SATB2: variants seen among roughly 807,000 people sequenced by gnomAD.
SATB2 encodes DNA-binding protein SATB2.
SATB2 carries 1 observed loss-of-function variant against 73.4 expected under a neutral mutation model. The ratio of observed to expected loss-of-function variants is 0.01; its 90% confidence interval spans 0.00 to 0.06. The LOEUF (loss-of-function observed/expected upper bound fraction) is 0.06. Among genes scored for constraint, SATB2 ranks in the 10% least tolerant of loss-of-function variants. The pLI is 1.00. For synonymous variants in SATB2, 397 were observed against 367.0 expected (o/e 1.08, Z -0.93); for missense variants, 459 against 945.8 (o/e 0.49, Z 6.75).
intron 2 of SATB2, among the ~76,000 whole-genome samples, chr2:199,434,517 T>C (rs1691597938): frequency 6.6e-6 from 1 of 152,160 alleles, no homozygotes; most frequent in Non-Finnish European, 1.5e-5. Context: ...GATCAAAGTT[T>C]TACCAACATA....
At chr2:199,418,267 GGCAGTCAGAGTCCACAA>G (rs1240324044) in intron 3 of SATB2, among the ~76,000 whole-genome samples, 1 of 152,086 alleles carries the variant, frequency 6.6e-6, no homozygotes, top group East Asian at 1.9e-4. Context: ...TGAAAGGCCC[GGCAGTCAGAGTCCACAA>G]CGCCTAACCA....
intron 6 of SATB2, among the ~76,000 whole-genome samples, chr2:199,352,522 T>C (rs1287158295): frequency 6.6e-6 from 1 of 152,314 alleles, no homozygotes. Flanking sequence ...TTATAAATTC[T>C]TGTAGTTAAG....
At chr2:199,414,044 G>T (rs1434760574) in intron 3 of SATB2, among the ~76,000 whole-genome samples, 1 of 152,170 alleles carries the variant, frequency 6.6e-6, no homozygotes, top group Non-Finnish European at 1.5e-5. Flanking sequence ...TTCAGTGGTG[G>T]TCTCAAGCAG....
chr2:199,370,946 CAAAAAAAAAA>C (rs67348909), intron 5 of SATB2, among the ~76,000 whole-genome samples: 1 of 69,566 alleles, frequency 1.4e-5, no homozygotes, highest in Non-Finnish European at 3.1e-5. Context: ...ATGAACTGAG[CAAAAAAAAAA>C]AAAAAAAAAA....
At chr2:199,305,175 C>T (rs1228830291) in intron 10 of SATB2, among the ~76,000 whole-genome samples, 1 of 152,122 alleles carries the variant, frequency 6.6e-6, no homozygotes, top group Non-Finnish European at 1.5e-5. Flanking sequence ...TATGCATGTA[C>T]ACTCAGAGGA....
chr2:199,357,359 C>T (rs988262412), intron 6 of SATB2, among the ~76,000 whole-genome samples: 2 of 152,126 alleles, frequency 1.3e-5, no homozygotes, highest in African/African-American at 4.8e-5. Context: ...ATCATTGATT[C>T]CTCAACAGTT....
At chr2:199,335,679 G>A (rs531365751) in intron 7 of SATB2, among the ~76,000 whole-genome samples, 1 of 152,280 alleles carries the variant, frequency 6.6e-6, no homozygotes, top group African/African-American at 2.4e-5. Flanking sequence ...ACAGCGAACA[G>A]CAGGCTCTGG....
At chr2:199,358,024 C>G (rs986195836) in intron 6 of SATB2, among the ~76,000 whole-genome samples, 3 of 152,100 alleles carry the variant, frequency 2.0e-5, no homozygotes, top group Admixed American at 2.0e-4. Context: ...TTTTGACCTA[C>G]AAAAATGGCA....
At chr2:199,346,156 C>CTT (rs1050884316) in intron 7 of SATB2, among the ~76,000 whole-genome samples, 1 of 144,958 alleles carries the variant, frequency 6.9e-6, no homozygotes, top group African/African-American at 2.5e-5. Flanking sequence ...TTTTCTTTTT[C>CTT]TTTTTTTTTT....
chr2:199,317,609 T>C (rs113453469), intron 9 of SATB2, among the ~76,000 whole-genome samples: 60 of 152,212 alleles, frequency 3.9e-4, no homozygotes, highest in African/African-American at 1.4e-3. Flanking sequence ...ATCATTATTA[T>C]TGATTGTCTA....
chr2:199,409,257 C>T (rs1690736430), intron 3 of SATB2, among the ~76,000 whole-genome samples: 1 of 142,540 alleles, frequency 7.0e-6, no homozygotes, highest in Admixed American at 7.6e-5. Context: ...ACAACCTCCG[C>T]CTCCCGGGTT....
At chr2:199,273,582 G>GAAAATATTCA (rs1004812532) in intron 10 of SATB2, among the ~76,000 whole-genome samples, 4 of 151,984 alleles carry the variant, frequency 2.6e-5, no homozygotes, top group Non-Finnish European at 5.9e-5. Context: ...TTTAGAATGA[G>GAAAATATTCA]AAAATATTCA....
chr2:199,339,850 A>C (rs1218957212), intron 7 of SATB2, among the ~76,000 whole-genome samples: 1 of 152,204 alleles, frequency 6.6e-6, no homozygotes, highest in Non-Finnish European at 1.5e-5. Flanking sequence ...ACTCCAAAAA[A>C]CTGACTGGTA....
chr2:199,386,366 C>T (rs13397495), intron 3 of SATB2, among the ~76,000 whole-genome samples: 19,015 of 152,080 alleles, frequency 0.13, 1,378 homozygotes, highest in South Asian at 0.3. Context: ...TTAAAAACAG[C>T]GCTCATTCCA....
chr2:199,359,792 T>C (rs1216118667), intron 6 of SATB2, among the ~76,000 whole-genome samples: 11 of 152,112 alleles, frequency 7.2e-5, no homozygotes, highest in Non-Finnish European at 1.5e-5. Flanking sequence ...ATTTCTATGG[T>C]ACATAAAACT....
intron 8 of SATB2, chr2:199,326,031 C>A (rs868851407): frequency 2.0e-5 from 3 of 152,082 alleles, no homozygotes; most frequent in African/African-American, 7.2e-5. Flanking sequence ...GGAAAATAAT[C>A]TCCCTGCATC....
At chr2:199,324,037 T>G in intron 8 of SATB2, 79 bp from the exon 9 acceptor site, 2 of 1,515,964 alleles carry the variant, frequency 1.3e-6, no homozygotes, top group Non-Finnish European at 1.8e-6. Context: ...TATCAAAGGA[T>G]TTCAGTCAGC....
At chr2:199,297,121 G>A (rs180826403) in intron 10 of SATB2, among the ~76,000 whole-genome samples, 233 of 152,270 alleles carry the variant, frequency 1.5e-3, no homozygotes, top group African/African-American at 5.3e-3. Context: ...AGAAAGATAC[G>A]ATTTTTTAAA....
At position 199,348,790 on chromosome 2, in the gene SATB2, G is replaced by C. The variant is rs369487539; in HGVS notation, c.1084C>G (p.Pro362Ala). The change falls in exon 7 of 11, where the codon CCA becomes GCA. Residue 362 changes from proline (P) to alanine (A), a missense_variant. Transcript: ENST00000417098. ...EPTNSSVEVSPDIYQQVRDEL... is the reference protein window; with the variant it reads ...EPTNSSVEVSADIYQQVRDEL... ...TCTCTGACTTGCTGGTAGATATCTG[G>C]AGAGACTTCCACGGAAGAGTTGGTT... 3 of 1,610,892 alleles carry C rather than the reference G, an allele frequency of 1.9e-6. No homozygotes were observed. The highest frequency in any genetic ancestry group is 2.7e-5 in the African/African-American group (2 of 74,852).
Sources: allele counts gnomAD v4.1 joint callset (sites outside exome capture counted in the v4.1 genomes callset), GRCh38; gene constraint gnomAD v4.1.1; transcripts MANE v1.5; gene names NCBI Gene and HGNC (gene_info 2026-07-23, HGNC 2026-07-21).